Variants in IGSF21 observed in about 807,000 individuals in gnomAD.
The protein encoded by IGSF21 is immunoglobin superfamily member 21, also known as immunoglobulin superfamily member 21.
A neutral mutation model predicts 46.8 loss-of-function variants in IGSF21; 28 were observed. That is an observed-to-expected ratio of 0.60 (90% CI 0.44 to 0.82). IGSF21 has a LOEUF of 0.82. Ranked by LOEUF, IGSF21 falls within the 40% of genes least tolerant of loss-of-function variation. The probability of loss-of-function intolerance (pLI) is 0.00; values close to 1 mark genes in which losing one functional copy is unlikely to be tolerated. For synonymous variants in IGSF21, 284 were observed against 273.6 expected, an observed-to-expected ratio of 1.04 and a Z score of -0.38; for missense variants, 624 against 665.5, an observed-to-expected ratio of 0.94 and a Z score of 0.69.
intron 3 of IGSF21, among the ~76,000 whole-genome samples, chr1:18,297,019 C>A (rs2085318140): frequency 6.6e-6 from 1 of 152,178 alleles, no homozygotes; most frequent in African/African-American, 2.4e-5. Context: ...TCCTACTTGT[C>A]CTTTCAAGTT....
intron 4 of IGSF21, among the ~76,000 whole-genome samples, chr1:18,336,096 A>G (rs1374085425): frequency 6.6e-6 from 1 of 152,160 alleles, no homozygotes; most frequent in Non-Finnish European, 1.5e-5. Context: ...TTAACCAATC[A>G]TTTATGCATC....
intron 3 of IGSF21, among the ~76,000 whole-genome samples, chr1:18,319,263 G>A (rs1300071447): frequency 6.6e-6 from 1 of 152,174 alleles, no homozygotes; most frequent in Non-Finnish European, 1.5e-5. Context: ...ATTCCAGCTA[G>A]GAGGAAGCAG....
chr1:18,180,474 C>G (rs1235628811), intron 1 of IGSF21, among the ~76,000 whole-genome samples: 1 of 152,160 alleles, frequency 6.6e-6, no homozygotes, highest in African/African-American at 2.4e-5. Flanking sequence ...GCATGCCCCA[C>G]AGTCATACAG....
At chr1:18,206,580 G>T (rs969906855) in intron 1 of IGSF21, among the ~76,000 whole-genome samples, 2 of 151,584 alleles carry the variant, frequency 1.3e-5, no homozygotes, top group African/African-American at 4.8e-5. Context: ...GTTCTAGGAA[G>T]ATGGAACAGT....
chr1:18,251,092 C>T (rs890632958), intron 2 of IGSF21, among the ~76,000 whole-genome samples: 41 of 152,018 alleles, frequency 2.7e-4, no homozygotes, highest in African/African-American at 9.9e-4. Flanking sequence ...TGAGCGTGGT[C>T]ACACTGTCAA....
rs76283469 is a variant in IGSF21, at chr1:18,226,083, G to A, written c.71-1815G>A. 3.9e-3 allele frequency among the ~76,000 whole-genome samples: 598 copies of A among 152,368 alleles called. 32 individuals are homozygous for A. The East Asian group carries it at 0.1, about 26-fold the overall frequency. On this transcript the variant is annotated intron_variant, in intron 1 of 9. Coordinates refer to ENST00000251296, the MANE Select transcript of IGSF21 (RefSeq NM_032880.5). ...AAAGCAGGTGTGCACATGTGAGCCA[G>A]TATCACAATGTTACACTCAGGCTTG...
At chr1:18,303,290 G>A (rs758550112) in intron 3 of IGSF21, among the ~76,000 whole-genome samples, 1 of 152,190 alleles carries the variant, frequency 6.6e-6, no homozygotes, top group South Asian at 2.1e-4. Context: ...GTGCAGTGCA[G>A]ATCTCAGACT....
At chr1:18,155,477 C>G (rs1296545482) in intron 1 of IGSF21, among the ~76,000 whole-genome samples, 1 of 152,236 alleles carries the variant, frequency 6.6e-6, no homozygotes, top group Non-Finnish European at 1.5e-5. Context: ...AGTCAACCAA[C>G]TGGCTTGAGA....
At chr1:18,125,164 A>C (rs2086265291) in intron 1 of IGSF21, among the ~76,000 whole-genome samples, 1 of 151,930 alleles carries the variant, frequency 6.6e-6, no homozygotes, top group African/African-American at 2.4e-5. Context: ...AAGACACAGC[A>C]CTCCCAGCTG....
intron 2 of IGSF21, among the ~76,000 whole-genome samples, chr1:18,244,999 G>A (rs889107490): frequency 2.0e-5 from 3 of 152,112 alleles, no homozygotes; most frequent in Non-Finnish European, 4.4e-5. Context: ...ATGAACTTAG[G>A]ACAGTGCCTG....
intron 6 of IGSF21, among the ~76,000 whole-genome samples, chr1:18,369,846 C>T (rs1011537728): frequency 6.6e-6 from 1 of 152,214 alleles, no homozygotes; most frequent in African/African-American, 2.4e-5. Context: ...CTGTTTGTGC[C>T]TCTTCTCAGT....
intron 2 of IGSF21, among the ~76,000 whole-genome samples, chr1:18,248,373 G>A (rs975476439): frequency 4.6e-5 from 7 of 152,206 alleles, no homozygotes; most frequent in African/African-American, 9.6e-5. Flanking sequence ...GCAGCCTGTC[G>A]GAGGTTGATT....
In IGSF21 at chr1:18,108,188, C is replaced by T. The variant is rs1380794832; in HGVS notation, c.60C>T (p.Asp20=). Residue 20 remains aspartate (D), a synonymous_variant, in exon 1 of 10, where the codon GAC becomes GAT. Coordinates refer to ENST00000251296, the MANE Select transcript of IGSF21 (RefSeq NM_032880.5). ...CVCLLLAAIL[D]LARGYLTVNI... ...GCCTGCTGCTCGCCGCGATCCTGGA[C>T]CTGGCGCGCGGTGAGTGCGCGGGCG... The T allele has an allele frequency of 2.1e-6, 3 of 1,438,626 alleles. No individual in the cohort carries two copies. Among genetic ancestry groups the T allele is most frequent in the South Asian group, 1.4e-5 (1 of 73,378 alleles). The allele number at this position is 1,438,626 out of a possible 1,614,324, so 89.1% of individuals were successfully genotyped here.
intron 2 of IGSF21, among the ~76,000 whole-genome samples, chr1:18,233,221 A>G (rs1404066012): frequency 6.6e-6 from 1 of 152,254 alleles, no homozygotes; most frequent in African/African-American, 2.4e-5. Context: ...AACAGTGATA[A>G]CATCCCTGCT....
At chr1:18,246,967 A>T (rs2084790527) in intron 2 of IGSF21, among the ~76,000 whole-genome samples, 1 of 152,124 alleles carries the variant, frequency 6.6e-6, no homozygotes, top group Non-Finnish European at 1.5e-5. Flanking sequence ...AGGAGGAACT[A>T]CAAGTAGCTC....
At chr1:18,200,164 C>T (rs2087057059) in intron 1 of IGSF21, among the ~76,000 whole-genome samples, 1 of 152,212 alleles carries the variant, frequency 6.6e-6, no homozygotes, top group East Asian at 1.9e-4. Flanking sequence ...ATGATGGTCA[C>T]TTCCATTCTC....
intron 1 of IGSF21, among the ~76,000 whole-genome samples, chr1:18,198,759 G>A (rs2087035718): frequency 6.6e-6 from 1 of 152,186 alleles, no homozygotes; most frequent in African/African-American, 2.4e-5. Context: ...TCATCCGATG[G>A]CAGAGTGACG....
intron 2 of IGSF21, among the ~76,000 whole-genome samples, chr1:18,272,165 T>A (rs1480091863): frequency 6.6e-6 from 1 of 151,868 alleles, no homozygotes; most frequent in African/African-American, 2.4e-5. Flanking sequence ...AGTGAAAGGG[T>A]TTTCCCCTTA....
intron 4 of IGSF21, among the ~76,000 whole-genome samples, chr1:18,355,373 T>A (rs992722482): frequency 6.6e-6 from 1 of 152,210 alleles, no homozygotes; most frequent in Non-Finnish European, 1.5e-5. Flanking sequence ...AGACAGGCAA[T>A]ATTTCGGAGT....
Sources: allele counts gnomAD v4.1 joint callset (sites outside exome capture counted in the v4.1 genomes callset), GRCh38; gene constraint gnomAD v4.1.1; transcripts MANE v1.5; gene names NCBI Gene and HGNC (gene_info 2026-07-23, HGNC 2026-07-21).